The following PRKCE variants were observed in gnomAD, a reference collection of about 807,000 sequenced individuals.
The protein encoded by PRKCE is protein kinase C epsilon.
PRKCE carries 16 observed loss-of-function variants against 85.4 expected under a neutral mutation model. The ratio of observed to expected loss-of-function variants is 0.19; its 90% CI spans 0.13 to 0.28. The LOEUF is 0.28. Among genes scored for constraint, PRKCE ranks in the 10% least tolerant of loss-of-function variants. The pLI is 1.00. For synonymous variants in PRKCE, 388 were observed against 371.5 expected (o/e 1.04, Z -0.51); for missense variants, 573 against 975.2 (o/e 0.59, Z 5.49).
At chr2:45,887,102 G>A (rs1695359252) in intron 2 of PRKCE, among the ~76,000 whole-genome samples, 1 of 152,150 alleles carries the variant, frequency 6.6e-6, no homozygotes, top group Non-Finnish European at 1.5e-5. Context: ...ATCTGTAATG[G>A]CTTATAACAG....
At chr2:45,695,389 GTGTA>G (rs1678062718) in intron 1 of PRKCE, among the ~76,000 whole-genome samples, 1 of 152,116 alleles carries the variant, frequency 6.6e-6, no homozygotes, top group South Asian at 2.1e-4. Context: ...CAGGGAGATG[GTGTA>G]TGTGTTAGAT....
chr2:45,898,675 A>C (rs1056432524), intron 2 of PRKCE, among the ~76,000 whole-genome samples: 4 of 152,236 alleles, frequency 2.6e-5, no homozygotes, highest in African/African-American at 9.6e-5. Context: ...CTGTGGGAAG[A>C]GAGTACCAGT....
At chr2:45,939,819 C>T (rs1397764851) in intron 2 of PRKCE, among the ~76,000 whole-genome samples, 2 of 152,218 alleles carry the variant, frequency 1.3e-5, no homozygotes, top group African/African-American at 4.8e-5. Context: ...TCCCAAAGTG[C>T]TGGGATTACA....
intron 1 of PRKCE, among the ~76,000 whole-genome samples, chr2:45,835,593 A>G (rs1457026876): frequency 9.6e-6 from 1 of 104,568 alleles, no homozygotes; most frequent in Non-Finnish European, 1.9e-5. Context: ...TCGGTAGTAT[A>G]TTTGTTTTTT....
chr2:46,140,761 A>T (rs1675434695), intron 11 of PRKCE, among the ~76,000 whole-genome samples: 1 of 152,164 alleles, frequency 6.6e-6, no homozygotes, highest in African/African-American at 2.4e-5. Context: ...AAGTATTTGC[A>T]ATTCTTATCT....
Position 46,028,379 on chromosome 2 carries a change from A to T in PRKCE, c.1437+17862A>T, listed in dbSNP as rs80011468. Among the ~76,000 whole-genome samples, 4 of 152,396 alleles carry T rather than the reference A, an allele frequency of 2.6e-5. No homozygotes were observed. In the East Asian group the frequency reaches 7.7e-4, roughly 29 times the overall value. On this transcript the variant is annotated intron_variant, in intron 10 of 14. Coordinates refer to ENST00000306156, the MANE Select transcript of PRKCE (RefSeq NM_005400.3). ...GTTTTTAAACCATGTTTTATAACTA[A>T]GAAGATGCCAAACATTTCATTTGGC... is the stretch of plus-strand genomic sequence containing the variant.
chr2:45,785,961 C>CT (rs1686569915), intron 1 of PRKCE, among the ~76,000 whole-genome samples: 1 of 152,168 alleles, frequency 6.6e-6, no homozygotes, highest in Non-Finnish European at 1.5e-5. Context: ...TAGGCACCTG[C>CT]TGCTGAGACC....
chr2:45,939,542 A>G (rs572605260), intron 2 of PRKCE, among the ~76,000 whole-genome samples: 5 of 150,472 alleles, frequency 3.3e-5, no homozygotes, highest in East Asian at 3.9e-4. Flanking sequence ...AGTGATTCCA[A>G]TGGCAGTTAG....
At chr2:46,076,530 A>G (rs933862737) in intron 10 of PRKCE, among the ~76,000 whole-genome samples, 3 of 152,206 alleles carry the variant, frequency 2.0e-5, no homozygotes, top group Non-Finnish European at 4.4e-5. Context: ...GCGCAGCTTT[A>G]GGTCACTCTA....
chr2:45,924,304 C>T (rs1211508329), intron 2 of PRKCE, among the ~76,000 whole-genome samples: 1 of 152,184 alleles, frequency 6.6e-6, no homozygotes, highest in African/African-American at 2.4e-5. Flanking sequence ...AATATGTCCA[C>T]TGCCAGGGAA....
At chr2:45,803,212 G>T (rs1558689307) in intron 1 of PRKCE, among the ~76,000 whole-genome samples, 1 of 152,192 alleles carries the variant, frequency 6.6e-6, no homozygotes, top group African/African-American at 2.4e-5. Flanking sequence ...TAGATACAAG[G>T]GAACAAGATT....
rs182997302 is a variant in PRKCE, at chr2:45,817,415, T to C, written c.349-25585T>C. On this transcript the variant is annotated intron_variant, in intron 1 of 14. Coordinates refer to ENST00000306156, the MANE Select transcript of PRKCE (RefSeq NM_005400.3). ...ACTTTCTTTAAAAAAACTTTCCGGC[T>C]GGGCGCGGTGGCTCACGCTTGTAAT... is the stretch of plus-strand genomic sequence containing the variant. 5.7e-4 allele frequency among the ~76,000 whole-genome samples: 87 copies of C among 152,290 alleles called. No individual in the cohort carries two copies. In the East Asian group the frequency reaches 0.01, roughly 18 times the overall value.
intron 14 of PRKCE, chr2:46,167,749 C>T (rs970141436): frequency 6.6e-6 from 1 of 150,646 alleles, no homozygotes; most frequent in Non-Finnish European, 1.5e-5. Flanking sequence ...CCCCCCACCC[C>T]GCCCCCCGGT....
At chr2:46,102,253 A>T (rs1671312133) in intron 11 of PRKCE, among the ~76,000 whole-genome samples, 1 of 152,212 alleles carries the variant, frequency 6.6e-6, no homozygotes, top group Non-Finnish European at 1.5e-5. Context: ...TGAAGATAAG[A>T]GAAAGCATTC....
rs146157842 is a variant in PRKCE at position 46,142,098 on chromosome 2, A to T, written c.1593-2995A>T. Among the ~76,000 whole-genome samples, 1,175 of 152,176 alleles carry T rather than the reference A, an allele frequency of 7.7e-3. 6 individuals are homozygous for T. Among genetic ancestry groups the T allele is most frequent in the Non-Finnish European group, 0.013 (866 of 67,990 alleles). On this transcript the variant is annotated intron_variant, in intron 11 of 14. Transcript: ENST00000306156. ...CCTGGGGTAGCAGTGCTGGTAAGAAAACCATGAAGGAATCTCTTAGGGAAG... is the reference window on the plus strand; with the variant it reads ...CCTGGGGTAGCAGTGCTGGTAAGAATACCATGAAGGAATCTCTTAGGGAAG...
chr2:45,981,804 G>T (rs1420220530), intron 5 of PRKCE, among the ~76,000 whole-genome samples: 2 of 152,178 alleles, frequency 1.3e-5, no homozygotes, highest in Non-Finnish European at 2.9e-5. Context: ...AAACAAAGAG[G>T]AGTACACTAG....
intron 2 of PRKCE, among the ~76,000 whole-genome samples, chr2:45,853,318 A>T (rs1471080837): frequency 6.6e-6 from 1 of 152,232 alleles, no homozygotes; most frequent in Non-Finnish European, 1.5e-5. Flanking sequence ...TTCTTCCAAG[A>T]TGAGAACAAG....
In PRKCE at chr2:46,160,000, C is replaced by G; in HGVS notation, c.2067+248C>G. ...ACGTGGGCCACAGAACACCTTTTGT[C>G]TTTACAGAGATTCAATTTATTTATT... On this transcript the variant is annotated intron_variant, in intron 14 of 14. Coordinates refer to ENST00000306156, the MANE Select transcript of PRKCE (RefSeq NM_005400.3). This position sits in a 1 kb window ranked among gnomAD's most constrained non-coding sequence, Gnocchi z 4.1. 2.2e-6 allele frequency: 1 copy of G among 450,246 alleles called. No individual in the cohort carries two copies. The highest frequency in any genetic ancestry group is 3.5e-5 in the South Asian group (1 of 28,624). 27.9% of individuals were successfully genotyped at this position (450,246 alleles called of 1,614,324 possible). A position where few individuals can be genotyped will look rare whatever the true frequency, so the allele number is the denominator to read the frequency against.
chr2:45,996,686 T>A (rs1054294810), intron 6 of PRKCE, among the ~76,000 whole-genome samples: 2 of 152,184 alleles, frequency 1.3e-5, no homozygotes, highest in Non-Finnish European at 2.9e-5. Flanking sequence ...CTGGGATAAA[T>A]CCTACTTGGT....
Sources: gnomAD v4.1 joint callset for allele counts (sites outside exome capture counted in the v4.1 genomes callset) on GRCh38, gnomAD v4.1.1 for gene constraint, Gnocchi (gnomAD v3.1) non-coding constraint, MANE v1.5 for transcripts, NCBI Gene and HGNC (gene_info 2026-07-23, HGNC 2026-07-21) for gene names.